AMPH: variants seen among roughly 807,000 people sequenced by gnomAD.
The protein encoded by AMPH is amphiphysin, also known as amphiphysin (Stiff-Mann syndrome with breast cancer 128kD autoantigen).
In AMPH, 49 loss-of-function variants were observed where a neutral mutation model predicts 99.1. That is an observed-to-expected ratio of 0.49 (90% CI 0.39 to 0.63). The LOEUF is 0.63. AMPH is among the 20% of genes least tolerant of loss of function. The probability of loss-of-function intolerance (pLI) is 0.00; values close to 1 mark genes in which losing one functional copy is unlikely to be tolerated. For missense variants in AMPH, 759 were observed against 863.4 expected (o/e 0.88, Z 1.52); for synonymous variants, 314 against 317.3 (o/e 0.99, Z 0.11).
intron 2 of AMPH, among the ~76,000 whole-genome samples, chr7:38,527,565 T>A (rs1282273235): frequency 1.3e-5 from 2 of 152,222 alleles, no homozygotes; most frequent in Non-Finnish European, 2.9e-5. Context: ...TATATAGAAA[T>A]GTGATTGATA....
At chr7:38,390,350 T>C (rs537814136) in intron 19 of AMPH, among the ~76,000 whole-genome samples, 1 of 152,280 alleles carries the variant, frequency 6.6e-6, no homozygotes, top group South Asian at 2.1e-4. Context: ...TGTAAATATA[T>C]TTCCTTCCTT....
chr7:38,565,776 AGTTCCGGG>A, intron 1 of AMPH, among the ~76,000 whole-genome samples: 1 of 152,172 alleles, frequency 6.6e-6, no homozygotes, highest in Non-Finnish European at 1.5e-5. Context: ...GAGCTGCAAG[AGTTCCGGG>A]TCCTTCACCT....
chr7:38,561,744 G>A (rs1791557218), intron 1 of AMPH, among the ~76,000 whole-genome samples: 1 of 152,148 alleles, frequency 6.6e-6, no homozygotes, highest in Non-Finnish European at 1.5e-5. Flanking sequence ...AGGTTTAGAT[G>A]AGGTCCTTGG....
intron 1 of AMPH, among the ~76,000 whole-genome samples, chr7:38,610,388 G>A (rs1199960911): frequency 8.0e-6 from 1 of 124,350 alleles, no homozygotes; most frequent in South Asian, 2.5e-4. Flanking sequence ...GAAAGGAAAA[G>A]AAAAGAAAAG....
chr7:38,613,633 G>T (rs565478466), intron 1 of AMPH, among the ~76,000 whole-genome samples: 1 of 152,284 alleles, frequency 6.6e-6, no homozygotes, highest in East Asian at 1.9e-4. Context: ...TCCACAGTAT[G>T]CAGCCTCAGA....
At chr7:38,398,268 T>C (rs772837704) in intron 17 of AMPH, among the ~76,000 whole-genome samples, 1 of 149,976 alleles carries the variant, frequency 6.7e-6, no homozygotes, top group Non-Finnish European at 1.5e-5. Flanking sequence ...CTATTCACAA[T>C]AGCCAAGATT....
intron 17 of AMPH, among the ~76,000 whole-genome samples, chr7:38,404,889 C>T (rs969167536): frequency 6.6e-6 from 1 of 152,050 alleles, no homozygotes; most frequent in Non-Finnish European, 1.5e-5. Context: ...AGATTAACAT[C>T]ATCAAGAAAT....
At chr7:38,541,748 T>C (rs1790815917) in intron 1 of AMPH, among the ~76,000 whole-genome samples, 1 of 152,190 alleles carries the variant, frequency 6.6e-6, no homozygotes, top group Non-Finnish European at 1.5e-5. Context: ...ATACAGTAAT[T>C]ACATGTCTCA....
chr7:38,593,176 T>TA (rs1480295304), intron 1 of AMPH, among the ~76,000 whole-genome samples: 4 of 152,220 alleles, frequency 2.6e-5, no homozygotes, highest in African/African-American at 7.2e-5. Context: ...AGGCTTTTTA[T>TA]AGGCAAGAAA....
chr7:38,410,743 C>A (rs1182903033), intron 17 of AMPH, among the ~76,000 whole-genome samples: 1 of 152,184 alleles, frequency 6.6e-6, no homozygotes, highest in Non-Finnish European at 1.5e-5. Context: ...GCAGTTAGTT[C>A]CCCATATTCC....
intron 2 of AMPH, among the ~76,000 whole-genome samples, chr7:38,514,449 A>C (rs1389444806): frequency 6.6e-6 from 1 of 152,252 alleles, no homozygotes; most frequent in Admixed American, 6.5e-5. Flanking sequence ...AGAAATTTAC[A>C]GCTACAACTA....
intron 15 of AMPH, among the ~76,000 whole-genome samples, chr7:38,424,216 C>T (rs1785699781): frequency 6.6e-6 from 1 of 152,192 alleles, no homozygotes; most frequent in Non-Finnish European, 1.5e-5. Flanking sequence ...TGAACTCTAT[C>T]TACCTGTACA....
intron 2 of AMPH, among the ~76,000 whole-genome samples, chr7:38,512,345 A>G (rs140367268): frequency 1.3e-5 from 2 of 152,236 alleles, no homozygotes; most frequent in East Asian, 3.9e-4. Context: ...GTTCAAAACC[A>G]TTTCCGATAG....
At chr7:38,388,062 CAAG>C (rs1281764183) in intron 20 of AMPH, among the ~76,000 whole-genome samples, 2 of 151,894 alleles carry the variant, frequency 1.3e-5, no homozygotes, top group African/African-American at 2.4e-5. Flanking sequence ...ATACAGAAGC[CAAG>C]AAGATTTGCT....
intron 1 of AMPH, among the ~76,000 whole-genome samples, chr7:38,558,217 T>C (rs149697554): frequency 3.8e-4 from 58 of 152,290 alleles, no homozygotes; most frequent in African/African-American, 9.6e-4. Flanking sequence ...GTCCATCTAA[T>C]CAAGAGCACA....
At chr7:38,530,394 C>A (rs534397223) in intron 2 of AMPH, among the ~76,000 whole-genome samples, 2 of 152,270 alleles carry the variant, frequency 1.3e-5, no homozygotes, top group South Asian at 2.1e-4. Context: ...ATCACTCAGT[C>A]GTGGCCATGG....
In AMPH at chr7:38,629,964, A is replaced by G. The variant is rs1391722609; in HGVS notation, c.69+1319T>C. ...ATGGAGAGTGTGCATGTGTGGAGGG[A>G]GGGACTAGAGGCAGCCACCAAGCCT... On this transcript the variant is annotated intron_variant, in intron 1 of 20. Coordinates refer to ENST00000356264, the MANE Select transcript of AMPH (RefSeq NM_001635.4). 3.3e-5 allele frequency among the ~76,000 whole-genome samples: 5 copies of G among 152,190 alleles called. No homozygotes were observed. In the South Asian group the frequency reaches 6.2e-4, roughly 19 times the overall value.
At chr7:38,494,389 A>G (rs1045783709) in intron 4 of AMPH, 44 bp downstream of exon 4, 1 of 1,534,860 alleles carries the variant, frequency 6.5e-7, no homozygotes, top group Non-Finnish European at 9.0e-7. Flanking sequence ...AGGTGGACTG[A>G]GCAAGGGTCG....
intron 5 of AMPH, among the ~76,000 whole-genome samples, chr7:38,480,972 A>T (rs1476111553): frequency 6.6e-6 from 1 of 152,200 alleles, no homozygotes; most frequent in African/African-American, 2.4e-5. Context: ...AAGTCTTAGA[A>T]TAAGATGGAA....
Sources: gnomAD v4.1 joint callset for allele counts (sites outside exome capture counted in the v4.1 genomes callset) on GRCh38, gnomAD v4.1.1 for gene constraint, MANE v1.5 for transcripts, NCBI Gene and HGNC (gene_info 2026-07-23, HGNC 2026-07-21) for gene names.